Variants in LARS2 observed in about 807,000 individuals in gnomAD.
The protein encoded by LARS2 is leucyl-tRNA synthetase 2, mitochondrial, also known as leucine--tRNA ligase, mitochondrial.
LARS2 carries 81 observed loss-of-function variants against 116.6 expected under a neutral mutation model. The ratio of observed to expected loss-of-function variants is 0.69; its 90% confidence interval spans 0.58 to 0.84. LARS2 has a LOEUF of 0.84. Among genes scored for constraint, LARS2 ranks in the 40% least tolerant of loss-of-function variants. The pLI, the probability that LARS2 is intolerant of heterozygous loss-of-function variation, is 0.00. For synonymous variants in LARS2, 396 were observed against 407.2 expected (o/e 0.97, Z 0.33); for missense variants, 968 against 1,114.5 (o/e 0.87, Z 1.87).
chr3:45,504,113 G>A (rs1361997165), intron 15 of LARS2, among the ~76,000 whole-genome samples: 1 of 151,728 alleles, frequency 6.6e-6, no homozygotes, highest in Non-Finnish European at 1.5e-5. Flanking sequence ...TCCCTCATAT[G>A]GATATACCAT....
At chr3:45,395,648 C>T (rs983936640) in intron 3 of LARS2, among the ~76,000 whole-genome samples, 3 of 152,234 alleles carry the variant, frequency 2.0e-5, no homozygotes, top group Non-Finnish European at 1.5e-5. Flanking sequence ...TGAATAAGTA[C>T]AGCTGCACAA....
At chr3:45,410,425 A>T (rs1196225923) in intron 4 of LARS2, among the ~76,000 whole-genome samples, 1 of 152,142 alleles carries the variant, frequency 6.6e-6, no homozygotes, top group African/African-American at 2.4e-5. Flanking sequence ...ATTCAAGTGA[A>T]AATTGTAGCC....
chr3:45,485,653 A>G (rs1163717501), intron 10 of LARS2, 39 bp from the exon 11 acceptor site: 4 of 1,165,728 alleles, frequency 3.4e-6, no homozygotes, highest in Non-Finnish European at 5.0e-6. Context: ...TTGGTGTCTC[A>G]GTTGAGTGGC....
intron 18 of LARS2, 68 bp from the exon 19 acceptor site, chr3:45,520,151 A>T: frequency 1.8e-6 from 2 of 1,100,680 alleles, no homozygotes; most frequent in Admixed American, 1.8e-5. Context: ...TGTTTTGATA[A>T]TTCAGTCTTT....
chr3:45,473,227 A>G (rs1699556267), intron 8 of LARS2, among the ~76,000 whole-genome samples: 1 of 152,078 alleles, frequency 6.6e-6, no homozygotes, highest in Non-Finnish European at 1.5e-5. Context: ...TGTTTTTGTC[A>G]TTGTTGTTGC....
intron 15 of LARS2, among the ~76,000 whole-genome samples, chr3:45,511,265 G>T (rs907135404): frequency 3.3e-5 from 5 of 152,168 alleles, no homozygotes; most frequent in African/African-American, 1.2e-4. Context: ...TCTTGGTGTG[G>T]GTGCACTGCT....
intron 6 of LARS2, among the ~76,000 whole-genome samples, chr3:45,437,601 T>C (rs1161213588): frequency 6.6e-6 from 1 of 152,210 alleles, no homozygotes. Context: ...AAGACGTGGC[T>C]ATGTGGTCTA....
chr3:45,471,040 T>TAAAAA (rs55749404), intron 8 of LARS2, among the ~76,000 whole-genome samples: 1 of 43,816 alleles, frequency 2.3e-5, no homozygotes, highest in African/African-American at 9.3e-5. Context: ...ATTACAACAC[T>TAAAAA]AAAAAAAAAA....
chr3:45,409,797 G>A (rs986160440), intron 4 of LARS2, among the ~76,000 whole-genome samples: 4 of 152,114 alleles, frequency 2.6e-5, no homozygotes, highest in African/African-American at 7.2e-5. Context: ...GATGCAAAAC[G>A]GCCTTCCCAC....
chr3:45,417,043 C>T (rs572642877), intron 4 of LARS2, among the ~76,000 whole-genome samples: 2 of 145,814 alleles, frequency 1.4e-5, no homozygotes, highest in African/African-American at 5.0e-5. Context: ...CACTGCACTC[C>T]AGCCTGGGTG....
intron 3 of LARS2, 111 bp from the exon 4 acceptor site, chr3:45,400,134 G>T: frequency 1.9e-6 from 2 of 1,044,066 alleles, no homozygotes; most frequent in Non-Finnish European, 2.7e-6. Context: ...TTTTTAAAAG[G>T]AAACTTTTAA....
chr3:45,473,976 T>C (rs1213441290), intron 8 of LARS2, among the ~76,000 whole-genome samples: 1 of 152,086 alleles, frequency 6.6e-6, no homozygotes, highest in Non-Finnish European at 1.5e-5. Context: ...TTATGACCTT[T>C]GTTTGTTAAT....
intron 6 of LARS2, among the ~76,000 whole-genome samples, chr3:45,442,551 T>C (rs1019415609): frequency 6.6e-6 from 1 of 152,210 alleles, no homozygotes; most frequent in Non-Finnish European, 1.5e-5. Context: ...CAACCACTTA[T>C]TACCAGTGAA....
intron 20 of LARS2, among the ~76,000 whole-genome samples, chr3:45,530,444 C>T (rs911127448): frequency 2.0e-5 from 3 of 152,048 alleles, no homozygotes; most frequent in Non-Finnish European, 2.9e-5. Context: ...TGCTTGAACC[C>T]GGGAGCTAGA....
chr3:45,449,525 A>G (rs543404133), intron 7 of LARS2, among the ~76,000 whole-genome samples: 3 of 152,282 alleles, frequency 2.0e-5, no homozygotes, highest in South Asian at 4.2e-4. Context: ...AGCAACATCA[A>G]TTTATTCATG....
intron 8 of LARS2, among the ~76,000 whole-genome samples, chr3:45,470,723 A>G (rs976234362): frequency 6.6e-6 from 1 of 152,226 alleles, no homozygotes; most frequent in Non-Finnish European, 1.5e-5. Context: ...AATGAGAGGC[A>G]TTGAATAAGT....
intron 6 of LARS2, among the ~76,000 whole-genome samples, chr3:45,429,698 C>T (rs1218733217): frequency 2.8e-5 from 3 of 108,132 alleles, no homozygotes; most frequent in South Asian, 3.2e-4. Context: ...CATCCTTCTG[C>T]TTTTTTTTTT....
Position 45,541,851 on chromosome 3 carries a change from G to A in LARS2, c.2427G>A (p.Lys809=), listed in dbSNP as rs758025512. Residue 809 remains lysine, a synonymous_variant, in exon 21 of 22, where the codon AAG becomes AAA. Transcript: ENST00000645846. Reference sequence around the variant, plus strand: ...CAGGCCTGGCGCTGGTGCCGAGGAAGCTCTGTGCCCACTACACTTGGGATG... The same window carrying A: ...CAGGCCTGGCGCTGGTGCCGAGGAAACTCTGTGCCCACTACACTTGGGATG... The part of the protein sequence containing the change: ...IWAGLALVPR[K]LCAHYTWDAS... 1.2e-6 allele frequency: 2 copies of A among 1,614,226 alleles called. No homozygotes were observed. Among genetic ancestry groups the A allele is most frequent in the South Asian group, 2.2e-5 (2 of 91,084 alleles).
chr3:45,461,911 G>C (rs1395192363), intron 8 of LARS2, among the ~76,000 whole-genome samples: 2 of 152,126 alleles, frequency 1.3e-5, no homozygotes, highest in Non-Finnish European at 2.9e-5. Context: ...TGAAATAATA[G>C]GAAAATTACT....
Sources: gnomAD v4.1 joint callset for allele counts (sites outside exome capture counted in the v4.1 genomes callset) on GRCh38, gnomAD v4.1.1 for gene constraint, MANE v1.5 for transcripts, NCBI Gene and HGNC (gene_info 2026-07-23, HGNC 2026-07-21) for gene names.